RASGRF1: variants seen among roughly 807,000 people sequenced by gnomAD.
The protein encoded by RASGRF1 is Ras protein specific guanine nucleotide releasing factor 1, also known as ras-specific guanine nucleotide-releasing factor 1.
Under a neutral mutation model 138.7 loss-of-function variants are expected in RASGRF1, and 40 were observed. The observed-to-expected ratio is 0.29, with a 90% CI of 0.22 to 0.38. RASGRF1 has a LOEUF of 0.38. Ranked by LOEUF, RASGRF1 falls within the 10% of genes least tolerant of loss-of-function variation. RASGRF1 has a pLI of 1.00. For missense variants in RASGRF1, 1,108 were observed against 1,650.4 expected (o/e 0.67, Z 5.69); for synonymous variants, 614 against 663.2 (o/e 0.93, Z 1.14).
Position 79,047,941 on chromosome 15 carries a change from G to A in RASGRF1, c.625-942C>T, listed in dbSNP as rs186959740. Reference sequence around the variant, plus strand: ...GACCTGCTGGCTAGAGATGGGTGCCGTAGACAGAAGAGGCCTGCCCGAGGC... The same window carrying A: ...GACCTGCTGGCTAGAGATGGGTGCCATAGACAGAAGAGGCCTGCCCGAGGC... On this transcript the variant is annotated intron_variant, in intron 4 of 26. Coordinates refer to ENST00000558480, the MANE Select transcript of RASGRF1 (RefSeq NM_001145648.3). Among the ~76,000 whole-genome samples the A allele has an allele frequency of 2.4e-4, 37 of 151,288 alleles. No homozygotes were observed. In the East Asian group the frequency reaches 2.9e-3, roughly 12 times the overall value.
intron 5 of RASGRF1, 51 bp from the exon 6 acceptor site, chr15:79,035,261 C>T (rs865976208): frequency 6.8e-7 from 1 of 1,472,878 alleles, no homozygotes; most frequent in Non-Finnish European, 9.4e-7. Context: ...TCCTGCTGCT[C>T]CAGAGGTGAC....
rs2304997 is a variant in RASGRF1 at position 78,991,713 on chromosome 15, C to G, written c.3109G>C (p.Val1037Leu). 3 of 1,614,082 alleles carry G rather than the reference C, an allele frequency of 1.9e-6. No homozygotes were observed. Among genetic ancestry groups the G allele is most frequent in the South Asian group, 2.2e-5 (2 of 91,072 alleles). ...AEQLTLLDHL[V>L]FKKIPYEEFF... ...TACTCATAAGGAATCTTCTTGAAGA[C>G]GAGGTGATCTAGCAGGGTCAGCTGC... The change falls in exon 21 of 27, where the codon GTC (valine) becomes CTC (leucine). Residue 1037 changes from valine to leucine, a missense_variant. Val to Leu is a conservative substitution (Grantham distance 32). Around this residue, in one of 3 missense-constraint regions of RASGRF1, gnomAD observed 686 missense variants for 976.7 expected, o/e 0.70. Coordinates refer to ENST00000558480, the MANE Select transcript of RASGRF1 (RefSeq NM_001145648.3).
rs79485479 is a variant in RASGRF1 at position 79,059,964 on chromosome 15, T to A, written c.384-1483A>T. 8.0e-4 allele frequency among the ~76,000 whole-genome samples: 99 copies of A among 124,348 alleles called. 1 individual carries two copies. The highest frequency in any genetic ancestry group is 2.2e-3 in the South Asian group (9 of 4,112). The allele number at this position is 124,348 out of a possible 152,430, so 81.6% of individuals were successfully genotyped here. ...ACAGCCAGTGTCTCCACTGATACACTCACACACACACACACACAGACACAC... is the reference window on the plus strand; with the variant it reads ...ACAGCCAGTGTCTCCACTGATACACACACACACACACACACACAGACACAC... On this transcript the variant is annotated intron_variant, in intron 2 of 26. Coordinates refer to ENST00000558480, the MANE Select transcript of RASGRF1 (RefSeq NM_001145648.3).
intron 14 of RASGRF1, chr15:79,004,698 A>G: frequency 1.0e-6 from 1 of 986,012 alleles, no homozygotes; most frequent in Non-Finnish European, 1.2e-6. Flanking sequence ...GGGGATGGGA[A>G]GCTGAAAGTG....
chr15:79,088,567 A>G (rs916387040), intron 1 of RASGRF1, among the ~76,000 whole-genome samples: 2 of 152,142 alleles, frequency 1.3e-5, no homozygotes, highest in Non-Finnish European at 2.9e-5. Flanking sequence ...GCCCATGCCA[A>G]CTTGGCTTCC....
At chr15:79,029,371 G>C (rs1317324327) in intron 8 of RASGRF1, among the ~76,000 whole-genome samples, 7 of 152,178 alleles carry the variant, frequency 4.6e-5, no homozygotes, top group Non-Finnish European at 8.8e-5. Context: ...GGGGTTTTGC[G>C]GGGGAAGCCT....
Position 78,960,193 on chromosome 15 carries a change from A to G in RASGRF1, c.*1951T>C. ...AGCACAAAGTAGGGCTAGGATGAAAATGCCTGGAGGAAACGGAAAAGCAGT... is the reference window on the plus strand; with the variant it reads ...AGCACAAAGTAGGGCTAGGATGAAAGTGCCTGGAGGAAACGGAAAAGCAGT... On this transcript the variant is annotated 3_prime_UTR_variant, in exon 27 of 27. Coordinates refer to ENST00000558480, the MANE Select transcript of RASGRF1 (RefSeq NM_001145648.3). 1 of 152,470 alleles carries G rather than the reference A, an allele frequency of 6.6e-6. No homozygotes were observed. The highest frequency in any genetic ancestry group is 1.5e-5 in the Non-Finnish European group (1 of 68,176). 9.4% of individuals were successfully genotyped at this position (152,470 alleles called of 1,614,324 possible).
chr15:79,015,302 T>A (rs757658893), intron 13 of RASGRF1, 25 bp downstream of exon 13: 7 of 1,594,732 alleles, frequency 4.4e-6, no homozygotes, highest in Non-Finnish European at 8.6e-7. Flanking sequence ...TGCTGCCTGG[T>A]CAAGATGGGG....
chr15:79,009,885 C>T (rs1239121039), intron 13 of RASGRF1, among the ~76,000 whole-genome samples: 2 of 151,832 alleles, frequency 1.3e-5, no homozygotes, highest in Non-Finnish European at 2.9e-5. Flanking sequence ...CCACCACACC[C>T]AGCTAATTTT....
intron 26 of RASGRF1, among the ~76,000 whole-genome samples, chr15:78,962,530 A>C (rs8036548): frequency 0.052 from 7,879 of 152,242 alleles, 690 homozygotes; most frequent in African/African-American, 0.18. Context: ...CAATTCTGCC[A>C]GTGTTTCTGT....
At chr15:78,983,044 T>C (rs2056070370) in intron 23 of RASGRF1, among the ~76,000 whole-genome samples, 1 of 152,168 alleles carries the variant, frequency 6.6e-6, no homozygotes, top group South Asian at 2.1e-4. Flanking sequence ...AAGTGAGCAG[T>C]AAAAACTGGC....
At chr15:78,977,471 C>CA (rs1246227416) in intron 24 of RASGRF1, among the ~76,000 whole-genome samples, 2 of 152,110 alleles carry the variant, frequency 1.3e-5, no homozygotes, top group African/African-American at 4.8e-5. Flanking sequence ...CCCATTTTAC[C>CA]ACTGGGTTGC....
chr15:79,007,263 G>T (rs2056697827), intron 13 of RASGRF1, among the ~76,000 whole-genome samples: 1 of 152,186 alleles, frequency 6.6e-6, no homozygotes, highest in African/African-American at 2.4e-5. Flanking sequence ...CCTCTACAGG[G>T]CATAGTGGGA....
chr15:79,056,042 C>G (rs1210114220), intron 3 of RASGRF1, among the ~76,000 whole-genome samples: 1 of 152,168 alleles, frequency 6.6e-6, no homozygotes, highest in Non-Finnish European at 1.5e-5. Flanking sequence ...TGGGAGCAGA[C>G]AGCAGGGAGC....
chr15:78,991,600 C>A, intron 21 of RASGRF1, 91 bp downstream of exon 21: 1 of 1,041,862 alleles, frequency 9.6e-7, no homozygotes, highest in Admixed American at 1.8e-5. Context: ...GTCCGTGCAG[C>A]TCTGGAAATT....
intron 24 of RASGRF1, among the ~76,000 whole-genome samples, chr15:78,975,177 G>C (rs887444164): frequency 3.9e-5 from 6 of 152,268 alleles, no homozygotes; most frequent in South Asian, 2.1e-4. Context: ...GATCACTTGA[G>C]TCCAACGGTT....
intron 8 of RASGRF1, among the ~76,000 whole-genome samples, chr15:79,028,298 C>T (rs1393631401): frequency 6.6e-6 from 1 of 152,132 alleles, no homozygotes; most frequent in African/African-American, 2.4e-5. Context: ...GCTCATTACT[C>T]CCTCAGGGCC....
intron 13 of RASGRF1, among the ~76,000 whole-genome samples, chr15:79,011,001 G>C (rs1440107836): frequency 6.6e-6 from 1 of 152,194 alleles, no homozygotes; most frequent in Non-Finnish European, 1.5e-5. Context: ...TCTGAGAGCA[G>C]GGAACTGTGC....
intron 4 of RASGRF1, among the ~76,000 whole-genome samples, chr15:79,048,750 C>G (rs2057388460): frequency 6.6e-6 from 1 of 152,252 alleles, no homozygotes; most frequent in African/African-American, 2.4e-5. Context: ...GTACGCTGAA[C>G]TTGGCCCATG....
Sources: gnomAD v4.1 joint callset for allele counts (sites outside exome capture counted in the v4.1 genomes callset) on GRCh38, gnomAD v4.1.1 for gene constraint, gnomAD v4.1.1 regional missense constraint, MANE v1.5 for transcripts, NCBI Gene and HGNC (gene_info 2026-07-23, HGNC 2026-07-21) for gene names.